The following ZSWIM5 variants were observed in gnomAD, a reference collection of about 807,000 sequenced individuals.
ZSWIM5 encodes the protein zinc finger SWIM-type containing 5.
A neutral mutation model predicts 119.6 loss-of-function variants in ZSWIM5; 55 were observed. That is an observed-to-expected ratio of 0.46 (90% CI 0.37 to 0.58). ZSWIM5 has a LOEUF of 0.58. Among genes scored for constraint, ZSWIM5 ranks in the 20% least tolerant of loss-of-function variants. The probability of loss-of-function intolerance (pLI) is 0.00; values close to 1 mark genes in which losing one functional copy is unlikely to be tolerated. For missense variants in ZSWIM5, 1,193 were observed against 1,512.8 expected (o/e 0.79, Z 3.51); for synonymous variants, 537 against 606.9 (o/e 0.88, Z 1.69).
chr1:45,024,268 T>A (rs1326769579), intron 11 of ZSWIM5, among the ~76,000 whole-genome samples: 1 of 149,662 alleles, frequency 6.7e-6, no homozygotes, highest in Admixed American at 6.7e-5. Context: ...CTGGGCTCAC[T>A]GCAACCTCTG....
At chr1:45,021,579 C>A (rs12731245) in intron 11 of ZSWIM5, among the ~76,000 whole-genome samples, 1 of 151,986 alleles carries the variant, frequency 6.6e-6, no homozygotes, top group Non-Finnish European at 1.5e-5. Context: ...TTATAAAGGA[C>A]AAATACATTA....
intron 1 of ZSWIM5, among the ~76,000 whole-genome samples, chr1:45,177,171 C>T (rs1027009571): frequency 1.3e-5 from 2 of 151,394 alleles, no homozygotes; most frequent in Non-Finnish European, 2.9e-5. Context: ...GTTTCTAAAA[C>T]GTATGCAGAA....
chr1:45,159,638 G>T (rs921601217), intron 1 of ZSWIM5, among the ~76,000 whole-genome samples: 1 of 151,996 alleles, frequency 6.6e-6, no homozygotes, highest in African/African-American at 2.4e-5. Context: ...GGCCAGGCTG[G>T]AGTGCAGTGG....
At chr1:45,106,731 A>G (rs10127478) in intron 1 of ZSWIM5, among the ~76,000 whole-genome samples, 3,124 of 152,270 alleles carry the variant, frequency 0.021, 118 homozygotes, top group African/African-American at 0.072. Flanking sequence ...AGCGACCATC[A>G]AGAATGGGCC....
Position 45,019,321 on chromosome 1 carries a change from CA to C in ZSWIM5, c.2696-6del, listed in dbSNP as rs1557737602. The C allele has an allele frequency of 1.9e-6, 3 of 1,604,608 alleles. No individual in the cohort carries two copies. Among genetic ancestry groups the C allele is most frequent in the Non-Finnish European group, 2.5e-6 (3 of 1,176,812 alleles). Reference sequence around the variant, plus strand: ...TGCTCACCAGGGCCCGCACACCTGTCAGGGGGAGCCTGAGCTCAGCCGTGGC... The same window carrying C: ...TGCTCACCAGGGCCCGCACACCTGTCGGGGGAGCCTGAGCTCAGCCGTGGC... On this transcript the variant is annotated splice_region_variant and splice_polypyrimidine_tract_variant and intron_variant, in intron 13 of 13. Coordinates refer to ENST00000359600, the MANE Select transcript of ZSWIM5 (RefSeq NM_020883.2). This position sits in a 1 kb window ranked among gnomAD's most constrained non-coding sequence, Gnocchi z 5.0.
chr1:45,137,717 G>T (rs913732277), intron 1 of ZSWIM5, among the ~76,000 whole-genome samples: 2 of 152,176 alleles, frequency 1.3e-5, no homozygotes, highest in African/African-American at 2.4e-5. Flanking sequence ...ATTGGTGCAG[G>T]ATGAGCTAGT....
intron 1 of ZSWIM5, among the ~76,000 whole-genome samples, chr1:45,151,995 T>C (rs776588983): frequency 7.2e-5 from 11 of 152,156 alleles, no homozygotes; most frequent in Non-Finnish European, 1.2e-4. Context: ...TGGTGTATGA[T>C]CCCTGCCCTT....
intron 1 of ZSWIM5, among the ~76,000 whole-genome samples, chr1:45,108,172 T>G (rs1645493448): frequency 6.6e-6 from 1 of 152,304 alleles, no homozygotes; most frequent in East Asian, 1.9e-4. Flanking sequence ...CAAGCATTTC[T>G]TTGGAGAAAT....
In ZSWIM5 at chr1:45,038,621, T is replaced by TTTTTTTTTTTTTA. The variant is rs1553188510; in HGVS notation, c.1894+314_1894+315insTAAAAAAAAAAAA. 4.1e-4 allele frequency among the ~76,000 whole-genome samples: 58 copies of TTTTTTTTTTTTTA among 141,218 alleles called. 2 individuals are homozygous for TTTTTTTTTTTTTA. The highest frequency in any genetic ancestry group is 7.2e-4 in the Non-Finnish European group (47 of 64,884). The allele number at this position is 141,218 out of a possible 152,430, so 92.6% of individuals were successfully genotyped here. On this transcript the variant is annotated intron_variant, in intron 8 of 13. Transcript: ENST00000359600. ...AGGGCAGTCTTTTTTTTTTTTTTTT[T>TTTTTTTTTTTTTA]AATGAAACAGGGTCTCACTTTGTCA...
intron 1 of ZSWIM5, among the ~76,000 whole-genome samples, chr1:45,186,740 C>A (rs1386174665): frequency 6.6e-6 from 1 of 152,132 alleles, no homozygotes; most frequent in African/African-American, 2.4e-5. Context: ...CAGGCGTGCA[C>A]CACCATGCCT....
At chr1:45,070,067 TAGA>T in intron 2 of ZSWIM5, 1 of 887,596 alleles carries the variant, frequency 1.1e-6, no homozygotes, top group Non-Finnish European at 1.9e-6. Context: ...ATCCAATGAC[TAGA>T]AGAAGAAATC....
At position 45,072,690 on chromosome 1, in the gene ZSWIM5, C is replaced by T. The variant is rs1645231420; in HGVS notation, c.953-12443G>A. 6.6e-6 allele frequency among the ~76,000 whole-genome samples: 1 copy of T among 151,912 alleles called. No individual in the cohort carries two copies. Among genetic ancestry groups the T allele is most frequent in the Non-Finnish European group, 1.5e-5 (1 of 68,026 alleles). On this transcript the variant is annotated intron_variant, in intron 2 of 13. Transcript: ENST00000359600. This position sits in a 1 kb window ranked among gnomAD's most constrained non-coding sequence, Gnocchi z 4.1. ...TTTATTGAAAAAACTGTCTTTTCCCCAGTGTATGTTCTTGGCACCTTTGTA... is the reference window on the plus strand; with the variant it reads ...TTTATTGAAAAAACTGTCTTTTCCCTAGTGTATGTTCTTGGCACCTTTGTA...
In ZSWIM5 at chr1:45,206,099, C is replaced by T. The variant is rs1478944756; in HGVS notation, c.252G>A (p.Glu84=). ...CGGGCTCCGGGATCCGCTCGAAGCG[C>T]TCCTCCACCCGTTCGTATGCCCACT... is the stretch of plus-strand genomic sequence containing the variant. ...AEKWAYERVE[E]RFERIPEPVQ... is the part of the protein sequence containing the mutation. The change falls in exon 1 of 14, where the codon GAG becomes GAA. Residue 84 remains glutamate, a synonymous_variant. Transcript: ENST00000359600. 2 of 1,611,912 alleles carry T rather than the reference C, an allele frequency of 1.2e-6. No individual in the cohort carries two copies. Among genetic ancestry groups the T allele is most frequent in the Non-Finnish European group, 1.7e-6 (2 of 1,179,466 alleles).
intron 1 of ZSWIM5, among the ~76,000 whole-genome samples, chr1:45,196,904 C>T (rs556488175): frequency 6.6e-6 from 1 of 152,120 alleles, no homozygotes; most frequent in African/African-American, 2.4e-5. Flanking sequence ...GTTAACTGGG[C>T]CTACATTTAA....
At chr1:45,053,092 A>T (rs1645099223) in intron 4 of ZSWIM5, among the ~76,000 whole-genome samples, 1 of 149,584 alleles carries the variant, frequency 6.7e-6, no homozygotes, top group African/African-American at 2.5e-5. Context: ...CATTGCACTC[A>T]AGCCTGAGCA....
chr1:45,046,634 A>ATGTGTGTGTGTGTGTGTGTGTGTG (rs60762459), intron 5 of ZSWIM5, among the ~76,000 whole-genome samples: 1 of 147,420 alleles, frequency 6.8e-6, no homozygotes, highest in Non-Finnish European at 1.5e-5. Flanking sequence ...TGGGCAAGAT[A>ATGTGTGTGTGTGTGTGTGTGTGTG]TGTGTGTGTG....
chr1:45,031,051 G>A (rs974702603), intron 11 of ZSWIM5, among the ~76,000 whole-genome samples: 3 of 151,584 alleles, frequency 2.0e-5, no homozygotes, highest in African/African-American at 7.3e-5. Flanking sequence ...CACCTACCTC[G>A]GCTCCCACAG....
intron 2 of ZSWIM5, among the ~76,000 whole-genome samples, chr1:45,078,232 A>T (rs554952512): frequency 6.6e-6 from 1 of 152,350 alleles, no homozygotes; most frequent in East Asian, 1.9e-4. Context: ...ATGTCCATAA[A>T]ATCTTCACAA....
At chr1:45,159,760 T>C (rs1645852419) in intron 1 of ZSWIM5, among the ~76,000 whole-genome samples, 1 of 152,104 alleles carries the variant, frequency 6.6e-6, no homozygotes, top group Non-Finnish European at 1.5e-5. Context: ...AGCTGATTTT[T>C]GTATTTTTAG....
Sources: allele counts gnomAD v4.1 joint callset (sites outside exome capture counted in the v4.1 genomes callset), GRCh38; gene constraint gnomAD v4.1.1; non-coding constraint Gnocchi (gnomAD v3.1); transcripts MANE v1.5; gene names NCBI Gene and HGNC (gene_info 2026-07-23, HGNC 2026-07-21).